Variants in CFAP20DC observed in about 807,000 individuals in gnomAD.
CFAP20DC encodes the protein protein CFAP20DC.
CFAP20DC carries 84 observed loss-of-function variants against 101.7 expected under a neutral mutation model. The observed-to-expected ratio is 0.83, with a 90% CI of 0.69 to 0.99. The LOEUF (loss-of-function observed/expected upper bound fraction) is 0.99, where lower values mean the gene tolerates loss of function less well. CFAP20DC is among the 50% of genes least tolerant of loss of function. CFAP20DC has a pLI of 0.00. For synonymous variants in CFAP20DC, 359 were observed against 351.2 expected, an observed-to-expected ratio of 1.02 and a Z score of -0.25; for missense variants, 1,007 against 970.3, an observed-to-expected ratio of 1.04 and a Z score of -0.50.
chr3:58,949,722 T>C (rs1036028426), intron 4 of CFAP20DC, among the ~76,000 whole-genome samples: 1 of 152,202 alleles, frequency 6.6e-6, no homozygotes, highest in South Asian at 2.1e-4. Context: ...CAAAAACCCT[T>C]CATGCTAAAA....
intron 15 of CFAP20DC, among the ~76,000 whole-genome samples, chr3:58,786,292 G>A (rs897850471): frequency 6.6e-6 from 1 of 151,984 alleles, no homozygotes; most frequent in East Asian, 1.9e-4. Flanking sequence ...TGTGTTCTAG[G>A]TATTCACAAG....
chr3:58,933,361 A>C (rs1346497310), intron 5 of CFAP20DC, among the ~76,000 whole-genome samples: 2 of 151,422 alleles, frequency 1.3e-5, no homozygotes, highest in Non-Finnish European at 3.0e-5. Context: ...TAGACAGATC[A>C]ACGAGACAGA....
chr3:58,936,209 C>G (rs1395134374), intron 5 of CFAP20DC, among the ~76,000 whole-genome samples: 1 of 151,856 alleles, frequency 6.6e-6, no homozygotes, highest in Non-Finnish European at 1.5e-5. Context: ...AAATGCAAAT[C>G]AAAACCACAA....
At chr3:58,803,998 T>A (rs183370187) in intron 15 of CFAP20DC, among the ~76,000 whole-genome samples, 61 of 152,352 alleles carry the variant, frequency 4.0e-4, no homozygotes, top group African/African-American at 1.4e-3. Context: ...ATTCATTCAT[T>A]CAATTATCTA....
At position 58,912,705 on chromosome 3, in the gene CFAP20DC, TG is replaced by T. The variant is rs2084277362; in HGVS notation, c.550+1002del. The T allele has an allele frequency of 2.2e-6, 1 of 456,240 alleles. No individual in the cohort carries two copies. Among genetic ancestry groups the T allele is most frequent in the East Asian group, 6.9e-5 (1 of 14,410 alleles). 28.3% of individuals were successfully genotyped at this position (456,240 alleles called of 1,614,324 possible). A position where few individuals can be genotyped will look rare whatever the true frequency, so the allele number is the denominator to read the frequency against. On this transcript the variant is annotated intron_variant, in intron 6 of 16. Coordinates refer to ENST00000482387, the MANE Select transcript of CFAP20DC (RefSeq NM_001394063.1). The surrounding 1 kb of genome is among the most constrained non-coding windows in gnomAD (Gnocchi z 4.4). ...GTTGTTTAAAACCATCTGAGCAGTA[TG>T]GTGTGCTACCTTATGAATTCCAGGG...
At chr3:58,973,763 C>A (rs920163093) in intron 4 of CFAP20DC, among the ~76,000 whole-genome samples, 1 of 152,082 alleles carries the variant, frequency 6.6e-6, no homozygotes, top group Non-Finnish European at 1.5e-5. Context: ...TGGTTAGGCA[C>A]CCCCAAAATA....
chr3:58,965,232 G>T (rs2091441204), intron 4 of CFAP20DC, among the ~76,000 whole-genome samples: 1 of 152,058 alleles, frequency 6.6e-6, no homozygotes, highest in African/African-American at 2.4e-5. Context: ...CCCAGTAAAT[G>T]GTGGGAATGG....
chr3:58,929,824 A>C (rs2086390737), intron 5 of CFAP20DC, among the ~76,000 whole-genome samples: 1 of 152,110 alleles, frequency 6.6e-6, no homozygotes, highest in South Asian at 2.1e-4. Flanking sequence ...CTCTTTCCTG[A>C]TATACCAGAA....
rs1313786296 is a variant in CFAP20DC, at chr3:58,732,236, AG to A, written c.198-14609del. Among the ~76,000 whole-genome samples, 1 of 152,236 alleles carries A rather than the reference AG, an allele frequency of 6.6e-6. No homozygotes were observed. Among genetic ancestry groups the A allele is most frequent in the Non-Finnish European group, 1.5e-5 (1 of 68,038 alleles). The stretch of plus-strand genomic sequence containing the variant: ...ATGACTCGTTAGGTCAATTAAAAAA[AG>A]AGGACAATTTCTCATTGATATAGAA... On this transcript the variant is annotated intron_variant, in intron 3 of 3. Coordinates refer to the CFAP20DC transcript ENST00000486145. This position sits in a 1 kb window ranked among gnomAD's most constrained non-coding sequence, Gnocchi z 5.4.
chr3:59,032,004 T>A (rs1408029779), intron 4 of CFAP20DC, among the ~76,000 whole-genome samples: 1 of 152,062 alleles, frequency 6.6e-6, no homozygotes, highest in Non-Finnish European at 1.5e-5. Flanking sequence ...ACCCAGCTCA[T>A]CTCACTGAGA....
At chr3:58,733,061 G>C (rs1279235800) in intron 3 of CFAP20DC, among the ~76,000 whole-genome samples, 3 of 152,228 alleles carry the variant, frequency 2.0e-5, no homozygotes, top group Non-Finnish European at 4.4e-5. Flanking sequence ...GGCAGGCGTG[G>C]TGGCTCACGC....
In CFAP20DC at chr3:59,002,089, A is replaced by G. The variant is rs2093327946; in HGVS notation, c.278+37468T>C. 6.6e-6 allele frequency among the ~76,000 whole-genome samples: 1 copy of G among 152,162 alleles called. No individual in the cohort carries two copies. The highest frequency in any genetic ancestry group is 1.5e-5 in the Non-Finnish European group (1 of 68,034). On this transcript the variant is annotated intron_variant, in intron 4 of 16. Transcript: ENST00000482387. This position sits in a 1 kb window ranked among gnomAD's most constrained non-coding sequence, Gnocchi z 4.5. ...ATATCATGAAGTTAAAAGTCCATGG[A>G]TTGTCAGAGCCTGAAAGAACTGAGT...
At chr3:58,745,728 A>G (rs1464728203) in intron 16 of CFAP20DC, among the ~76,000 whole-genome samples, 1 of 152,162 alleles carries the variant, frequency 6.6e-6, no homozygotes, top group Non-Finnish European at 1.5e-5. Context: ...CTCAGGATGG[A>G]AGTACTGATG....
At chr3:58,734,558 C>G in intron 3 of CFAP20DC, 1 of 456,474 alleles carries the variant, frequency 2.2e-6, no homozygotes, top group South Asian at 1.5e-5. Context: ...ATTAAATCAT[C>G]CTTTAAGGTT....
At chr3:58,854,639 T>C (rs1441078976) in intron 12 of CFAP20DC, among the ~76,000 whole-genome samples, 1 of 151,908 alleles carries the variant, frequency 6.6e-6, no homozygotes, top group Non-Finnish European at 1.5e-5. Flanking sequence ...AAAACAGAGA[T>C]ATAGATCAAT....
At position 58,832,465 on chromosome 3, in the gene CFAP20DC, GT is replaced by G. The variant is rs146247818; in HGVS notation, c.1972-577del. On this transcript the variant is annotated intron_variant, in intron 13 of 16. Coordinates refer to ENST00000482387, the MANE Select transcript of CFAP20DC (RefSeq NM_001394063.1). ...AGTAAATAAACAAAAACTCAAAGTA[GT>G]TTTTTTTTTAAATTTGCCATTTAAA... Among the ~76,000 whole-genome samples, 181 of 149,540 alleles carry G rather than the reference GT, an allele frequency of 1.2e-3. 1 individual carries two copies. Among genetic ancestry groups the G allele is most frequent in the African/African-American group, 1.4e-3 (59 of 40,798 alleles).
intron 4 of CFAP20DC, among the ~76,000 whole-genome samples, chr3:58,995,633 G>C (rs990662075): frequency 6.6e-6 from 1 of 152,066 alleles, no homozygotes; most frequent in African/African-American, 2.4e-5. Flanking sequence ...TATCTGTGAA[G>C]GTGTTTTTGG....
chr3:58,776,166 C>T (rs1311710676), intron 15 of CFAP20DC, among the ~76,000 whole-genome samples: 2 of 152,174 alleles, frequency 1.3e-5, no homozygotes, highest in African/African-American at 4.8e-5. Context: ...AGCTGAGCAA[C>T]AGTCCACTCT....
intron 4 of CFAP20DC, among the ~76,000 whole-genome samples, chr3:58,952,396 G>C (rs904484996): frequency 6.6e-6 from 1 of 152,106 alleles, no homozygotes; most frequent in African/African-American, 2.4e-5. Context: ...CCACACTGTA[G>C]ATGCCACCCA....
Sources: allele counts gnomAD v4.1 joint callset (sites outside exome capture counted in the v4.1 genomes callset), GRCh38; gene constraint gnomAD v4.1.1; non-coding constraint Gnocchi (gnomAD v3.1); transcripts MANE v1.5; gene names NCBI Gene and HGNC (gene_info 2026-07-23, HGNC 2026-07-21).